RAB30: variants seen among roughly 807,000 people sequenced by gnomAD.
RAB30 encodes the protein ras-related protein Rab-30.
RAB30 carries 9 observed loss-of-function variants against 25.1 expected under a neutral mutation model. The observed-to-expected ratio is 0.36, with a 90% CI of 0.22 to 0.63. The LOEUF is 0.63. Among genes scored for constraint, RAB30 ranks in the 20% least tolerant of loss-of-function variants. The pLI is 0.69. For missense variants in RAB30, 140 were observed against 243.5 expected (o/e 0.58, Z 2.83); for synonymous variants, 77 against 86.4 (o/e 0.89, Z 0.60).
chr11:82,975,398 C>T lies in RAB30; in HGVS notation c.*6767G>A, dbSNP rs1236235505. The T allele has an allele frequency of 6.6e-6, 1 of 152,140 alleles. No individual in the cohort carries two copies. The highest frequency in any genetic ancestry group is 1.5e-5 in the Non-Finnish European group (1 of 67,994). The allele number at this position is 152,140 out of a possible 1,614,324, so 9.4% of individuals were successfully genotyped here. ...TGTGCATTATTCAACCAGCTAGTGA[C>T]AAATTATCTTAACAAAGTAGATTAT... On this transcript the variant is annotated 3_prime_UTR_variant, in exon 5 of 5. Coordinates refer to ENST00000527633, the MANE Select transcript of RAB30 (RefSeq NM_001286060.2).
chr11:83,053,772 A>G (rs1353497588), intron 1 of RAB30, among the ~76,000 whole-genome samples: 3 of 152,318 alleles, frequency 2.0e-5, no homozygotes, highest in Admixed American at 1.3e-4. Context: ...TAAAATAAAA[A>G]GTTTGCCAAA....
At chr11:83,028,935 G>T (rs1227794040) in intron 1 of RAB30, among the ~76,000 whole-genome samples, 1 of 152,106 alleles carries the variant, frequency 6.6e-6, no homozygotes, top group African/African-American at 2.4e-5. Flanking sequence ...TACTTGAGAG[G>T]ATCACTTGAG....
chr11:82,997,087 A>G (rs1856975224), intron 2 of RAB30, 137 bp downstream of exon 2: 1 of 703,826 alleles, frequency 1.4e-6, no homozygotes, highest in African/African-American at 1.8e-5. Context: ...TGCAGCTTTC[A>G]AAGGGTGCAT....
intron 1 of RAB30, among the ~76,000 whole-genome samples, chr11:83,052,318 G>A (rs1041511828): frequency 6.6e-6 from 1 of 152,190 alleles, no homozygotes; most frequent in African/African-American, 2.4e-5. Context: ...AACAGATCAA[G>A]TGCTCACAGC....
At chr11:83,064,182 G>A (rs1162824592) in intron 1 of RAB30, among the ~76,000 whole-genome samples, 2 of 151,796 alleles carry the variant, frequency 1.3e-5, no homozygotes, top group African/African-American at 4.8e-5. Flanking sequence ...TTGACCTCTG[G>A]GGCTTAAGGG....
At chr11:83,030,278 C>T (rs1487878895) in intron 1 of RAB30, among the ~76,000 whole-genome samples, 2 of 151,642 alleles carry the variant, frequency 1.3e-5, no homozygotes. Context: ...AGGAGGATCG[C>T]TTGAGACCAG....
intron 1 of RAB30, among the ~76,000 whole-genome samples, chr11:83,049,976 G>A (rs908276772): frequency 6.6e-6 from 1 of 152,028 alleles, no homozygotes; most frequent in Non-Finnish European, 1.5e-5. Context: ...TTAATAATGG[G>A]GCCAAGCATG....
In RAB30 at chr11:82,986,755, T is replaced by C. The variant is rs527501570; in HGVS notation, c.361+832A>G. Among the ~76,000 whole-genome samples the C allele has an allele frequency of 1.2e-3, 188 of 152,366 alleles. 1 individual carries two copies. The highest frequency in any genetic ancestry group is 2.3e-3 in the Non-Finnish European group (155 of 68,040). On this transcript the variant is annotated intron_variant, in intron 4 of 4. Transcript: ENST00000527633. ...TTCCTGATCTGTAAATCAGGGATCA[T>C]GACACATAAAGTTCCTCGTATCATT...
chr11:83,058,144 TTTTC>T (rs1219101979), intron 1 of RAB30, among the ~76,000 whole-genome samples: 1 of 152,228 alleles, frequency 6.6e-6, no homozygotes, highest in Non-Finnish European at 1.5e-5. Flanking sequence ...ATGCTTTACA[TTTTC>T]TTTATCATTC....
Position 83,071,873 on chromosome 11 carries a change from G to A in RAB30, c.-191C>T, listed in dbSNP as rs1858856722. 1 of 381,860 alleles carries A rather than the reference G, an allele frequency of 2.6e-6. No homozygotes were observed. The highest frequency in any genetic ancestry group is 2.1e-5 in the African/African-American group (1 of 48,276). 23.7% of individuals were successfully genotyped at this position (381,860 alleles called of 1,614,324 possible). ...GGCAATCGCAAGCCCAGCAGCAGCA[G>A]GGGGTGGAGAGACCGTAGCACAATG... On this transcript the variant is annotated 5_prime_UTR_variant, in exon 1 of 5. Coordinates refer to ENST00000527633, the MANE Select transcript of RAB30 (RefSeq NM_001286060.2).
At chr11:82,985,714 C>CTTT (rs60932116) in intron 4 of RAB30, among the ~76,000 whole-genome samples, 10 of 128,926 alleles carry the variant, frequency 7.8e-5, no homozygotes, top group African/African-American at 2.5e-4. Context: ...CCTTACTTGG[C>CTTT]TTTTTTTTTT....
chr11:83,008,322 T>G (rs1205705114), intron 1 of RAB30, among the ~76,000 whole-genome samples: 2 of 152,172 alleles, frequency 1.3e-5, no homozygotes, highest in East Asian at 3.9e-4. Context: ...GCTGTTCAGA[T>G]TCCCTCCTCA....
chr11:83,033,400 G>A (rs1321382002), intron 1 of RAB30, among the ~76,000 whole-genome samples: 1 of 151,888 alleles, frequency 6.6e-6, no homozygotes, highest in Non-Finnish European at 1.5e-5. Context: ...AAGCTGGGAG[G>A]GATGTGGAAC....
At chr11:83,041,849 C>A (rs535412820) in intron 1 of RAB30, among the ~76,000 whole-genome samples, 69 of 152,036 alleles carry the variant, frequency 4.5e-4, no homozygotes, top group Middle Eastern at 3.4e-3. Flanking sequence ...TGAGACCAGC[C>A]TGGCCAACAT....
intron 1 of RAB30, among the ~76,000 whole-genome samples, chr11:83,008,332 A>G (rs187295693): frequency 1.1e-3 from 162 of 152,198 alleles, no homozygotes; most frequent in Non-Finnish European, 2.0e-3. Context: ...TTCCCTCCTC[A>G]CTGGAAGCAG....
Position 82,997,344 on chromosome 11 carries a change from A to C in RAB30, c.-8-20T>G. Reference sequence around the variant, plus strand: ...ACACAGCTGCAAGGCAAACACAGGCAAAAGTGAGAAAGGCCCAGTCAGACT... The same window carrying C: ...ACACAGCTGCAAGGCAAACACAGGCCAAAGTGAGAAAGGCCCAGTCAGACT... On this transcript the variant is annotated intron_variant, in intron 1 of 4. Coordinates refer to ENST00000527633, the MANE Select transcript of RAB30 (RefSeq NM_001286060.2). The C allele has an allele frequency of 6.5e-7, 1 of 1,531,568 alleles. No homozygotes were observed. The highest frequency in any genetic ancestry group is 9.0e-7 in the Non-Finnish European group (1 of 1,105,546). The allele number at this position is 1,531,568 out of a possible 1,614,324, so 94.9% of individuals were successfully genotyped here.
chr11:83,003,105 G>A (rs1232253213), intron 1 of RAB30, among the ~76,000 whole-genome samples: 2 of 152,234 alleles, frequency 1.3e-5, no homozygotes, highest in Non-Finnish European at 2.9e-5. Context: ...CAAAGAGGCA[G>A]CATAGGCGAT....
At chr11:82,990,970 A>G (rs1856838750) in intron 3 of RAB30, among the ~76,000 whole-genome samples, 1 of 152,130 alleles carries the variant, frequency 6.6e-6, no homozygotes, top group African/African-American at 2.4e-5. Context: ...ACAAAAATCT[A>G]ATACCTTGGA....
intron 1 of RAB30, among the ~76,000 whole-genome samples, chr11:83,002,431 G>A (rs567689681): frequency 6.6e-6 from 1 of 152,260 alleles, no homozygotes; most frequent in East Asian, 1.9e-4. Flanking sequence ...GAGCACAGAT[G>A]AGCAAGCAAA....
Sources: allele counts gnomAD v4.1 joint callset (sites outside exome capture counted in the v4.1 genomes callset), GRCh38; gene constraint gnomAD v4.1.1; transcripts MANE v1.5; gene names NCBI Gene and HGNC (gene_info 2026-07-23, HGNC 2026-07-21).